Variants in CUX2 observed in about 807,000 individuals in gnomAD.
CUX2 encodes the protein homeobox protein cut-like 2.
Under a neutral mutation model 144.8 loss-of-function variants are expected in CUX2, and 40 were observed. The observed-to-expected ratio is 0.28, with a 90% CI of 0.21 to 0.36. The LOEUF (loss-of-function observed/expected upper bound fraction) is 0.36. Among genes scored for constraint, CUX2 ranks in the 10% least tolerant of loss-of-function variants. The probability of loss-of-function intolerance (pLI) is 1.00; values close to 1 mark genes in which losing one functional copy is unlikely to be tolerated. For missense variants in CUX2, 1,615 were observed against 1,994.0 expected, an observed-to-expected ratio of 0.81 and a Z score of 3.62; for synonymous variants, 827 against 875.6, an observed-to-expected ratio of 0.94 and a Z score of 0.98.
At chr12:111,198,208 G>T (rs1880358805) in intron 1 of CUX2, among the ~76,000 whole-genome samples, 1 of 152,170 alleles carries the variant, frequency 6.6e-6, no homozygotes, top group African/African-American at 2.4e-5. Flanking sequence ...GGTGCGGGTG[G>T]CTCATGCCTG....
chr12:111,052,949 G>A (rs993116344), intron 1 of CUX2, among the ~76,000 whole-genome samples: 12 of 152,334 alleles, frequency 7.9e-5, no homozygotes, highest in Admixed American at 7.8e-4. Flanking sequence ...ATTGCCTGCT[G>A]TACCTGCTGA....
At position 111,034,727 on chromosome 12, in the gene CUX2, AGAG is replaced by A. The variant is rs905585709; in HGVS notation, c.63+503_63+505del. ...CTGGCGGGCAGGGAGGAGGAGGAGG[AGAG>A]GAGGAGGAGGAGGAGAGAGGAGGAG... is the stretch of plus-strand genomic sequence containing the variant. On this transcript the variant is annotated intron_variant, in intron 1 of 21. Coordinates refer to ENST00000261726, the MANE Select transcript of CUX2 (RefSeq NM_015267.4). This position sits in a 1 kb window ranked among gnomAD's most constrained non-coding sequence, Gnocchi z 4.2. 1.3e-4 allele frequency among the ~76,000 whole-genome samples: 19 copies of A among 150,310 alleles called. 1 individual carries two copies. The South Asian group carries it at 2.3e-3, about 18-fold the overall frequency.
intron 3 of CUX2, among the ~76,000 whole-genome samples, chr12:111,260,589 C>T (rs937736070): frequency 1.3e-5 from 2 of 152,192 alleles, no homozygotes; most frequent in Non-Finnish European, 2.9e-5. Context: ...CTCAGTAGCA[C>T]ATGGACCGGT....
At chr12:111,105,565 C>G (rs985157297) in intron 1 of CUX2, among the ~76,000 whole-genome samples, 1 of 152,176 alleles carries the variant, frequency 6.6e-6, no homozygotes, top group Non-Finnish European at 1.5e-5. Flanking sequence ...ATACTGCACA[C>G]CCCCAGGGAG....
intron 1 of CUX2, among the ~76,000 whole-genome samples, chr12:111,182,834 C>T (rs999866327): frequency 2.0e-5 from 3 of 152,150 alleles, no homozygotes; most frequent in Non-Finnish European, 2.9e-5. Context: ...CAAGTGCCCC[C>T]AAAAGGACAT....
At chr12:111,047,017 G>T (rs1870028334) in intron 1 of CUX2, among the ~76,000 whole-genome samples, 1 of 152,220 alleles carries the variant, frequency 6.6e-6, no homozygotes, top group African/African-American at 2.4e-5. Context: ...CATGGAAATG[G>T]ATTTGGGCCC....
intron 1 of CUX2, among the ~76,000 whole-genome samples, chr12:111,110,701 G>C (rs1317667033): frequency 1.3e-5 from 2 of 152,178 alleles, no homozygotes; most frequent in African/African-American, 2.4e-5. Flanking sequence ...GTCTTGTCAG[G>C]CTCTATCAAG....
Position 111,270,341 on chromosome 12 carries a change from G to A in CUX2, c.301+6502G>A, listed in dbSNP as rs1258722418. 5 of 152,292 alleles carry A rather than the reference G, an allele frequency of 3.3e-5. No homozygotes were observed. The South Asian group carries it at 8.3e-4, about 25-fold the overall frequency. 9.4% of individuals were successfully genotyped at this position (152,292 alleles called of 1,614,324 possible). ...AACACAGATCTTTGGCAGAGAATAC[G>A]ACAGAGCCTGATGGCTCAGCAAGTA... On this transcript the variant is annotated intron_variant, in intron 4 of 21. Transcript: ENST00000261726.
chr12:111,101,600 CT>C (rs961567516), intron 1 of CUX2, among the ~76,000 whole-genome samples: 55 of 152,326 alleles, frequency 3.6e-4, no homozygotes, highest in African/African-American at 1.3e-3. Context: ...ACCAGGTACT[CT>C]GCAGAATAGA....
At chr12:111,188,452 AC>A (rs1879684374) in intron 1 of CUX2, among the ~76,000 whole-genome samples, 1 of 152,178 alleles carries the variant, frequency 6.6e-6, no homozygotes, top group African/African-American at 2.4e-5. Flanking sequence ...GAAGGAAGCC[AC>A]CAGGGGCCGA....
At chr12:111,311,204 G>A (rs973817876) in intron 15 of CUX2, among the ~76,000 whole-genome samples, 1 of 152,188 alleles carries the variant, frequency 6.6e-6, no homozygotes, top group African/African-American at 2.4e-5. Context: ...GATTAAACGG[G>A]CATCAAGCAC....
At chr12:111,269,637 G>A (rs555717780) in intron 4 of CUX2, among the ~76,000 whole-genome samples, 11 of 152,224 alleles carry the variant, frequency 7.2e-5, no homozygotes, top group African/African-American at 1.4e-4. Flanking sequence ...AGGGTCTTAC[G>A]GCCCCCCACT....
intron 1 of CUX2, among the ~76,000 whole-genome samples, chr12:111,168,778 T>C (rs975882041): frequency 2.0e-5 from 3 of 152,206 alleles, no homozygotes; most frequent in Non-Finnish European, 2.9e-5. Context: ...TCGATGGAAG[T>C]AGCTAATAAG....
At chr12:111,305,323 G>A (rs528384223) in intron 10 of CUX2, among the ~76,000 whole-genome samples, 1 of 152,118 alleles carries the variant, frequency 6.6e-6, no homozygotes, top group Non-Finnish European at 1.5e-5. Context: ...CTGAACTTGC[G>A]AGCATAATTT....
At position 111,304,307 on chromosome 12, in the gene CUX2, C is replaced by T. The variant is rs575730273; in HGVS notation, c.851C>T (p.Pro284Leu). Residue 284 changes from proline (P) to leucine (L), a missense_variant, in exon 10 of 22, where the codon CCC becomes CTC. By Grantham distance (98) the Pro-to-Leu change is moderately conservative. This residue lies in a region of CUX2 where 295 missense variants were observed against 400.2 expected (regional missense o/e 0.74). Transcript: ENST00000261726. This position sits in a 1 kb window ranked among gnomAD's most constrained non-coding sequence, Gnocchi z 4.7. Reference protein sequence around the residue: ...IRLACCSPQGPSGDKVNFTLC... With the variant: ...IRLACCSPQGLSGDKVNFTLC... ...CTGGCTTGCTGCTCTCCCCAGGGGC[C>T]CAGTGGGGTAAGGATGGGGTTGGGG... 11 of 1,613,290 alleles carry T rather than the reference C, an allele frequency of 6.8e-6. No individual in the cohort carries two copies. The East Asian group carries it at 2.2e-4, about 33-fold the overall frequency.
intron 3 of CUX2, among the ~76,000 whole-genome samples, chr12:111,240,179 G>T (rs190102651): frequency 6.6e-6 from 1 of 152,238 alleles, no homozygotes; most frequent in Non-Finnish European, 1.5e-5. Flanking sequence ...GTGGAGCTGG[G>T]ATTTGAGCCC....
chr12:111,222,037 A>C (rs1425672433), intron 3 of CUX2, among the ~76,000 whole-genome samples: 1 of 152,360 alleles, frequency 6.6e-6, no homozygotes, highest in African/African-American at 2.4e-5. Context: ...CTAATTATAA[A>C]AGTTGCTTTA....
chr12:111,092,961 A>C (rs772289750), intron 1 of CUX2, among the ~76,000 whole-genome samples: 18 of 152,016 alleles, frequency 1.2e-4, no homozygotes, highest in Non-Finnish European at 2.4e-4. Context: ...AACCACAGGT[A>C]CATGCCAACA....
intron 1 of CUX2, among the ~76,000 whole-genome samples, chr12:111,208,426 T>C (rs1344018552): frequency 6.6e-6 from 1 of 152,188 alleles, no homozygotes; most frequent in Non-Finnish European, 1.5e-5. Context: ...CTAAGTGTTC[T>C]TGTAAAATTC....
Sources: allele counts gnomAD v4.1 joint callset (sites outside exome capture counted in the v4.1 genomes callset), GRCh38; gene constraint gnomAD v4.1.1; regional missense constraint gnomAD v4.1.1; non-coding constraint Gnocchi (gnomAD v3.1); transcripts MANE v1.5; gene names NCBI Gene and HGNC (gene_info 2026-07-23, HGNC 2026-07-21).